SLC25A29: variants seen among roughly 807,000 people sequenced by gnomAD.
The protein encoded by SLC25A29 is mitochondrial basic amino acids transporter.
A neutral mutation model predicts 10.0 loss-of-function variants in SLC25A29; 13 were observed. The observed-to-expected ratio is 1.30, with a 90% CI of 0.85 to 2.07. SLC25A29 has a LOEUF of 2.07. SLC25A29 is among the 30% of genes most tolerant of loss of function. SLC25A29 has a pLI of 0.00. For missense variants in SLC25A29, 475 were observed against 447.6 expected (o/e 1.06, Z -0.55); for synonymous variants, 244 against 221.1 (o/e 1.10, Z -0.92).
intron 3 of SLC25A29, 42 bp downstream of exon 3, chr14:100,293,252 C>T (rs753330234): frequency 1.6e-4 from 261 of 1,600,486 alleles, no homozygotes; most frequent in Non-Finnish European, 2.1e-4. Flanking sequence ...AGCTAGTTCC[C>T]CATCCTGTGC....
intron 2 of SLC25A29, among the ~76,000 whole-genome samples, chr14:100,297,180 A>G (rs1435748801): frequency 6.6e-6 from 1 of 152,228 alleles, no homozygotes; most frequent in Non-Finnish European, 1.5e-5. Flanking sequence ...AGTGGCAAAA[A>G]CAAAAACAAA....
chr14:100,295,751 C>G (rs894709020), intron 2 of SLC25A29: 1 of 1,289,414 alleles, frequency 7.8e-7, no homozygotes. Context: ...ACATCACATC[C>G]AGGCGCGGAG....
chr14:100,303,990 G>C (rs1344483985), intron 1 of SLC25A29, among the ~76,000 whole-genome samples: 2 of 152,168 alleles, frequency 1.3e-5, no homozygotes, highest in South Asian at 2.1e-4. Context: ...GTAGGGGAGA[G>C]GGGGAGGCAT....
At chr14:100,302,981 T>C (rs1892664147) in intron 1 of SLC25A29, among the ~76,000 whole-genome samples, 1 of 152,124 alleles carries the variant, frequency 6.6e-6, no homozygotes, top group African/African-American at 2.4e-5. Flanking sequence ...CTATTATTTA[T>C]TCATCATATT....
intron 1 of SLC25A29, chr14:100,305,863 G>C (rs1892905582): frequency 6.9e-6 from 2 of 291,236 alleles, no homozygotes; most frequent in Admixed American, 1.0e-4. Context: ...GGGGATGGGG[G>C]AGGGGAAGGA....
At chr14:100,296,775 T>C (rs922843966) in intron 2 of SLC25A29, among the ~76,000 whole-genome samples, 5 of 152,084 alleles carry the variant, frequency 3.3e-5, no homozygotes, top group African/African-American at 1.2e-4. Flanking sequence ...ATTTTTTGTA[T>C]GTTTAGTAGA....
At chr14:100,298,685 T>C (rs1393764430) in intron 2 of SLC25A29, 157 bp downstream of exon 2, 1 of 920,818 alleles carries the variant, frequency 1.1e-6, no homozygotes, top group Non-Finnish European at 1.8e-6. Flanking sequence ...AGCTGGGAGA[T>C]GCCAGGACAA....
At position 100,298,887 on chromosome 14, in the gene SLC25A29, TGGA is replaced by T. The variant is rs1297417307; in HGVS notation, c.35-5_35-3del. 6.2e-6 allele frequency: 10 copies of T among 1,614,004 alleles called. No individual in the cohort carries two copies. The highest frequency in any genetic ancestry group is 3.3e-5 in the Admixed American group (2 of 59,998). On this transcript the variant is annotated splice_polypyrimidine_tract_variant and splice_region_variant and intron_variant, in intron 1 of 3. Coordinates refer to ENST00000359232, the MANE Select transcript of SLC25A29 (RefSeq NM_001039355.3). The stretch of plus-strand genomic sequence containing the variant: ...GTCCCACAAGCACGCCTGCCACACC[TGGA>T]GGAGGAGAGGGGGACTTGTGACCCA...
At chr14:100,281,149 A>G in the SLC25A29 span, 2 of 148,534 alleles carry the variant, frequency 1.3e-5, no homozygotes, top group African/African-American at 5.0e-5. Context: ...AGAGTTGATC[A>G]CTTCCAGGGT....
Position 100,292,740 on chromosome 14 carries a change from C to T in SLC25A29, c.455G>A (p.Arg152Gln), listed in dbSNP as rs1172609128. ...ACGCAGCAACGTGGACACCATGCCCCGGTTGACGCCACGCAGACCCTCGTG... is the reference window on the plus strand; with the variant it reads ...ACGCAGCAACGTGGACACCATGCCCTGGTTGACGCCACGCAGACCCTCGTG... ...YGHEGLRGVN[R>Q]GMVSTLLRET... is the part of the protein sequence containing the mutation. The change falls in exon 4 of 4, where the codon CGG (arginine) becomes CAG (glutamine). Residue 152 changes from arginine to glutamine, a missense_variant. Transcript: ENST00000359232. 19 of 1,602,344 alleles carry T rather than the reference C, an allele frequency of 1.2e-5. No individual in the cohort carries two copies. In the East Asian group the frequency reaches 1.4e-4, roughly 11 times the overall value.
chr14:100,295,920 G>T, intron 2 of SLC25A29: 1 of 1,287,862 alleles, frequency 7.8e-7, no homozygotes, highest in South Asian at 1.2e-5. Context: ...AAGGCCGTGT[G>T]CTTCAGGACG....
intron 1 of SLC25A29, chr14:100,299,609 C>T (rs1213615971): frequency 1.0e-6 from 1 of 985,638 alleles, no homozygotes; most frequent in Non-Finnish European, 1.2e-6. Context: ...GTTCACCCCT[C>T]CAAAATGGCT....
the SLC25A29 span, among the ~76,000 whole-genome samples, chr14:100,285,572 G>C: frequency 6.6e-6 from 1 of 152,052 alleles, no homozygotes; most frequent in Non-Finnish European, 1.5e-5. Context: ...CCCGCGAGCC[G>C]CCGCCGCTTA....
At chr14:100,298,972 A>C in intron 1 of SLC25A29, 87 bp from the exon 2 acceptor site, 3 of 1,565,974 alleles carry the variant, frequency 1.9e-6, no homozygotes, top group Non-Finnish European at 2.6e-6. Flanking sequence ...GACAAGGAAG[A>C]CTGGCAGGAG....
chr14:100,299,042 AG>A (rs1210191513), intron 1 of SLC25A29, 157 bp from the exon 2 acceptor site: 1 of 1,450,306 alleles, frequency 6.9e-7, no homozygotes, highest in Admixed American at 2.7e-5. Context: ...AGATCCCATG[AG>A]CCCCTGGAAT....
In SLC25A29 at chr14:100,306,257, T is replaced by C. The variant is rs1892945937; in HGVS notation, c.-25A>G. 4 of 1,476,358 alleles carry C rather than the reference T, an allele frequency of 2.7e-6. No individual in the cohort carries two copies. Among genetic ancestry groups the C allele is most frequent in the South Asian group, 1.3e-5 (1 of 74,720 alleles). The allele number at this position is 1,476,358 out of a possible 1,614,324, so 91.5% of individuals were successfully genotyped here. A position where few individuals can be genotyped will look rare whatever the true frequency, so the allele number is the denominator to read the frequency against. On this transcript the variant is annotated 5_prime_UTR_variant, in exon 1 of 4. Coordinates refer to ENST00000359232, the MANE Select transcript of SLC25A29 (RefSeq NM_001039355.3). ...TGGCCGGGTCCCCGGCGAGGCCGCCTTTCCTCCTCGTCCTCCCCCTGAGGC... is the reference window on the plus strand; with the variant it reads ...TGGCCGGGTCCCCGGCGAGGCCGCCCTTCCTCCTCGTCCTCCCCCTGAGGC...
chr14:100,289,427 C>T (rs974595953), downstream of SLC25A29, among the ~76,000 whole-genome samples: 1 of 152,184 alleles, frequency 6.6e-6, no homozygotes, highest in African/African-American at 2.4e-5. Flanking sequence ...AGACTGTCCT[C>T]GACTCAGGAG....
Position 100,306,197 on chromosome 14 carries a change from A to G in SLC25A29, c.34+2T>C. The G allele has an allele frequency of 6.7e-7, 1 of 1,498,710 alleles. No individual in the cohort carries two copies. Among genetic ancestry groups the G allele is most frequent in the Non-Finnish European group, 8.8e-7 (1 of 1,131,380 alleles). 92.8% of individuals were successfully genotyped at this position (1,498,710 alleles called of 1,614,324 possible). On this transcript the variant is annotated splice_donor_variant, in intron 1 of 3. Coordinates refer to ENST00000359232, the MANE Select transcript of SLC25A29 (RefSeq NM_001039355.3). LOFTEE classifies it high-confidence loss of function. ...GCCCGGCCCGGCCCGCCGCCTCCTTACCCCCCGCGCATCCAGCCAAGAAGT... is the reference window on the plus strand; with the variant it reads ...GCCCGGCCCGGCCCGCCGCCTCCTTGCCCCCCGCGCATCCAGCCAAGAAGT...
intron 2 of SLC25A29, chr14:100,294,193 G>T (rs1891984004): frequency 6.6e-6 from 1 of 152,262 alleles, no homozygotes; most frequent in African/African-American, 2.4e-5. Context: ...CGTGAGAACA[G>T]CAGTTATGAG....
Sources: allele counts gnomAD v4.1 joint callset (sites outside exome capture counted in the v4.1 genomes callset), GRCh38; gene constraint gnomAD v4.1.1; transcripts MANE v1.5; gene names NCBI Gene and HGNC (gene_info 2026-07-23, HGNC 2026-07-21).